Variants in TPO observed in about 807,000 individuals in gnomAD.
The protein encoded by TPO is thyroid microsomal antigen.
TPO carries 78 observed loss-of-function variants against 96.9 expected under a neutral mutation model. The observed-to-expected ratio is 0.81, with a 90% CI of 0.67 to 0.97. The LOEUF (loss-of-function observed/expected upper bound fraction) is 0.97. Among genes scored for constraint, TPO ranks in the 50% least tolerant of loss-of-function variants. TPO has a pLI of 0.00. For missense variants in TPO, 1,252 were observed against 1,274.8 expected (o/e 0.98, Z 0.27); for synonymous variants, 547 against 538.0 (o/e 1.02, Z -0.23).
At chr2:1,390,126 C>T (rs935276768) in intron 1 of TPO, among the ~76,000 whole-genome samples, 4 of 151,242 alleles carry the variant, frequency 2.6e-5, no homozygotes, top group South Asian at 2.1e-4. Context: ...CCTATCAACT[C>T]GTTATTTACA....
intron 8 of TPO, among the ~76,000 whole-genome samples, chr2:1,482,702 A>T (rs28910602): frequency 0.028 from 4,201 of 152,242 alleles, 70 homozygotes; most frequent in Non-Finnish European, 0.037. Context: ...TTGAGAAAGC[A>T]TCTCCTCTAT....
chr2:1,460,592 G>A (rs981337031), intron 7 of TPO, among the ~76,000 whole-genome samples: 2 of 152,200 alleles, frequency 1.3e-5, no homozygotes, highest in Non-Finnish European at 2.9e-5. Context: ...CATAAAAAGA[G>A]TATATTTCCC....
intron 5 of TPO, chr2:1,438,729 A>G (rs535225002): frequency 2.7e-5 from 19 of 693,022 alleles, no homozygotes; most frequent in East Asian, 1.1e-4. Context: ...GGCCTCACAC[A>G]TGATCTAAAT....
At chr2:1,432,224 T>G (rs1665049839) in intron 3 of TPO, among the ~76,000 whole-genome samples, 1 of 152,276 alleles carries the variant, frequency 6.6e-6, no homozygotes, top group African/African-American at 2.4e-5. Context: ...GATGGTGAAC[T>G]TGATGTAGTC....
At chr2:1,489,502 A>G (rs1370167730) in intron 10 of TPO, among the ~76,000 whole-genome samples, 1 of 152,214 alleles carries the variant, frequency 6.6e-6, no homozygotes, top group African/African-American at 2.4e-5. Flanking sequence ...CAACTGAAAT[A>G]TGGCCAAAGG....
At chr2:1,510,968 T>C (rs1674045327) in intron 14 of TPO, among the ~76,000 whole-genome samples, 1 of 152,224 alleles carries the variant, frequency 6.6e-6, no homozygotes, top group South Asian at 2.1e-4. Context: ...AGTTTAGACG[T>C]AGATACACAT....
Position 1,540,570 on chromosome 2 carries a change from T to A in TPO, c.2619-24T>A, listed in dbSNP as rs752579151. 1.9e-6 allele frequency: 3 copies of A among 1,612,102 alleles called. No individual in the cohort carries two copies. The Admixed American group carries it at 5.0e-5, about 27-fold the overall frequency. On this transcript the variant is annotated intron_variant, in intron 15 of 16. Coordinates refer to ENST00000329066, the MANE Select transcript of TPO (RefSeq NM_001206744.2). The stretch of plus-strand genomic sequence containing the variant: ...GTCACGGTGCCGGACCCTCTCCCGA[T>A]AACTGGACACGTGTCTCCCACAGGA...
chr2:1,448,835 A>G (rs1667063346), intron 5 of TPO, among the ~76,000 whole-genome samples: 1 of 152,210 alleles, frequency 6.6e-6, no homozygotes, highest in Non-Finnish European at 1.5e-5. Context: ...CACACCCTCG[A>G]TGATGAATGG....
At chr2:1,451,003 G>T (rs920008043) in intron 5 of TPO, among the ~76,000 whole-genome samples, 1 of 152,124 alleles carries the variant, frequency 6.6e-6, no homozygotes, top group African/African-American at 2.4e-5. Context: ...ATTAATAACA[G>T]AATTATTCTC....
chr2:1,506,545 G>C (rs1233979072), intron 14 of TPO, among the ~76,000 whole-genome samples: 1 of 152,168 alleles, frequency 6.6e-6, no homozygotes, highest in African/African-American at 2.4e-5. Flanking sequence ...TCCAGCACCT[G>C]TTGTTTCCTG....
intron 1 of TPO, among the ~76,000 whole-genome samples, chr2:1,385,752 C>T (rs1573053237): frequency 6.6e-6 from 1 of 151,922 alleles, no homozygotes. Context: ...TTGGCTTCTG[C>T]TAGCTTTTGA....
chr2:1,521,032 A>G (rs1255490813), intron 15 of TPO, among the ~76,000 whole-genome samples: 1 of 152,122 alleles, frequency 6.6e-6, no homozygotes, highest in African/African-American at 2.4e-5. Context: ...TAGTTCTGCA[A>G]TTTCTGAAAT....
intron 1 of TPO, among the ~76,000 whole-genome samples, chr2:1,389,231 G>T (rs995413347): frequency 6.6e-6 from 1 of 152,162 alleles, no homozygotes; most frequent in African/African-American, 2.4e-5. Flanking sequence ...GGGCGTCTCA[G>T]AGAGCAGAGG....
At chr2:1,382,256 G>C (rs1454533348) in intron 1 of TPO, among the ~76,000 whole-genome samples, 1 of 152,108 alleles carries the variant, frequency 6.6e-6, no homozygotes. Flanking sequence ...CAGCTCCCAA[G>C]TATAAATGAC....
intron 1 of TPO, among the ~76,000 whole-genome samples, chr2:1,384,416 A>G (rs1661855992): frequency 6.6e-6 from 1 of 152,100 alleles, no homozygotes; most frequent in Admixed American, 6.5e-5. Flanking sequence ...CTCCTTGAAG[A>G]GGTCCTTCAC....
At chr2:1,533,358 TCCC>T (rs1558430822) in intron 15 of TPO, among the ~76,000 whole-genome samples, 1 of 75,554 alleles carries the variant, frequency 1.3e-5, no homozygotes, top group South Asian at 5.0e-4. Flanking sequence ...CCTTCCCAAA[TCCC>T]CCCACTGTGT....
At chr2:1,532,199 C>T (rs1168177870) in intron 15 of TPO, among the ~76,000 whole-genome samples, 1 of 92,742 alleles carries the variant, frequency 1.1e-5, no homozygotes, top group Non-Finnish European at 2.3e-5. Context: ...CCTCAAATCC[C>T]CCACCACTGT....
chr2:1,458,512 C>CA (rs1164177668), intron 7 of TPO, among the ~76,000 whole-genome samples: 2 of 151,044 alleles, frequency 1.3e-5, no homozygotes, highest in African/African-American at 4.9e-5. Context: ...TTTGTGGGCA[C>CA]ATGTGTATAT....
chr2:1,375,780 G>A (rs752518918), intron 1 of TPO, among the ~76,000 whole-genome samples: 2 of 152,124 alleles, frequency 1.3e-5, no homozygotes, highest in Non-Finnish European at 2.9e-5. Context: ...CAACCCTGCA[G>A]GCATTGCTCA....
Sources: allele counts gnomAD v4.1 joint callset (sites outside exome capture counted in the v4.1 genomes callset), GRCh38; gene constraint gnomAD v4.1.1; transcripts MANE v1.5; gene names NCBI Gene and HGNC (gene_info 2026-07-23, HGNC 2026-07-21).